The following ADAMTS12 variants were observed in gnomAD, a reference collection of about 807,000 sequenced individuals.
The protein encoded by ADAMTS12 is ADAM metallopeptidase with thrombospondin type 1 motif 12, also known as A disintegrin and metalloproteinase with thrombospondin motifs 12.
A neutral mutation model predicts 167.8 loss-of-function variants in ADAMTS12; 118 were observed. The observed-to-expected ratio is 0.70, with a 90% CI of 0.61 to 0.82. ADAMTS12 has a LOEUF of 0.82. Among genes scored for constraint, ADAMTS12 ranks in the 40% least tolerant of loss-of-function variants. ADAMTS12 has a pLI of 0.00. For synonymous variants in ADAMTS12, 704 were observed against 716.9 expected (o/e 0.98, Z 0.29); for missense variants, 1,916 against 1,998.8 (o/e 0.96, Z 0.79).
chr5:33,639,172 GTAAC>G (rs1158952193), intron 11 of ADAMTS12, among the ~76,000 whole-genome samples: 1 of 152,154 alleles, frequency 6.6e-6, no homozygotes, highest in African/African-American at 2.4e-5. Flanking sequence ...ATTTAGTAGA[GTAAC>G]TAACACAGAA....
At position 33,658,295 on chromosome 5, in the gene ADAMTS12, G is replaced by A. The variant is rs1234277747; in HGVS notation, c.1079C>T (p.Thr360Ile). 6.2e-7 allele frequency: 1 copy of A among 1,613,564 alleles called. No individual in the cohort carries two copies. Among genetic ancestry groups the A allele is most frequent in the East Asian group, 2.2e-5 (1 of 44,880 alleles). ...TCCTGAAAGGTGAGACAGGCCCAGGGTCTCGCAGGGGCGATTGAAACCAGC... is the reference window on the plus strand; with the variant it reads ...TCCTGAAAGGTGAGACAGGCCCAGGATCTCGCAGGGGCGATTGAAACCAGC... ...ICAGFNRPCE[T>I]LGLSHLSGMC... The change falls in exon 7 of 24, where the codon ACC (threonine) becomes ATC (isoleucine). Residue 360 changes from threonine (T) to isoleucine (I), a missense_variant. Coordinates refer to ENST00000504830, the MANE Select transcript of ADAMTS12 (RefSeq NM_030955.4).
intron 3 of ADAMTS12, among the ~76,000 whole-genome samples, chr5:33,714,397 C>A (rs1035302508): frequency 1.3e-5 from 2 of 152,082 alleles, no homozygotes; most frequent in African/African-American, 4.8e-5. Context: ...ATAAGCGTTT[C>A]TCAAAAAACT....
chr5:33,648,105 G>C (rs1443001910), intron 9 of ADAMTS12, among the ~76,000 whole-genome samples: 1 of 152,244 alleles, frequency 6.6e-6, no homozygotes, highest in East Asian at 1.9e-4. Flanking sequence ...TGCATTATAA[G>C]GGATGAGTTC....
chr5:33,662,062 A>C lies in ADAMTS12; in HGVS notation c.916-22T>G, dbSNP rs571019831. Reference sequence around the variant, plus strand: ...CTTGCTGGAGAAAGAAGAGGAAGAGATTAGCATGGGAGAGCTCACTGTGGT... The same window carrying C: ...CTTGCTGGAGAAAGAAGAGGAAGAGCTTAGCATGGGAGAGCTCACTGTGGT... On this transcript the variant is annotated intron_variant, in intron 5 of 23. Transcript: ENST00000504830. 129 of 1,603,926 alleles carry C rather than the reference A, an allele frequency of 8.0e-5. 2 individuals carry two copies. The South Asian group carries it at 1.3e-3, about 16-fold the overall frequency.
intron 2 of ADAMTS12, among the ~76,000 whole-genome samples, chr5:33,807,210 T>A (rs1401749531): frequency 6.6e-6 from 1 of 152,200 alleles, no homozygotes; most frequent in African/African-American, 2.4e-5. Context: ...TTTTTGTTTC[T>A]CTCTGCCTGA....
At chr5:33,632,955 A>G (rs115273561) in intron 12 of ADAMTS12, among the ~76,000 whole-genome samples, 1 of 152,072 alleles carries the variant, frequency 6.6e-6, no homozygotes, top group Non-Finnish European at 1.5e-5. Context: ...TCGCATTTAC[A>G]TAATGGACTG....
intron 9 of ADAMTS12, among the ~76,000 whole-genome samples, chr5:33,645,030 T>C (rs1442969588): frequency 6.6e-6 from 1 of 152,056 alleles, no homozygotes; most frequent in East Asian, 1.9e-4. Context: ...GTACCCGGCC[T>C]AGGGTGGCTT....
At chr5:33,724,289 G>A (rs908950884) in intron 3 of ADAMTS12, among the ~76,000 whole-genome samples, 1 of 152,184 alleles carries the variant, frequency 6.6e-6, no homozygotes, top group Non-Finnish European at 1.5e-5. Context: ...GGTTGATTGG[G>A]AGGTCAGGGA....
At chr5:33,868,056 C>T (rs1427816109) in intron 2 of ADAMTS12, among the ~76,000 whole-genome samples, 1 of 152,164 alleles carries the variant, frequency 6.6e-6, no homozygotes, top group Non-Finnish European at 1.5e-5. Context: ...TCCTCTTTGG[C>T]TTCCACCATG....
At chr5:33,738,097 G>A (rs13359534) in intron 3 of ADAMTS12, among the ~76,000 whole-genome samples, 4,865 of 152,202 alleles carry the variant, frequency 0.032, 266 homozygotes, top group African/African-American at 0.11. Context: ...GTCTCTTGAA[G>A]TTTTAAGGAA....
chr5:33,778,037 T>G (rs538561763), intron 2 of ADAMTS12, among the ~76,000 whole-genome samples: 1 of 152,024 alleles, frequency 6.6e-6, no homozygotes, highest in East Asian at 1.9e-4. Flanking sequence ...CATAAATAAA[T>G]GGAAAGATAT....
intron 2 of ADAMTS12, among the ~76,000 whole-genome samples, chr5:33,790,338 A>G (rs1746480167): frequency 6.6e-6 from 1 of 152,112 alleles, no homozygotes; most frequent in African/African-American, 2.4e-5. Flanking sequence ...ATGGAACACA[A>G]GGTCAAGAGA....
At chr5:33,871,029 T>C (rs1191834883) in intron 2 of ADAMTS12, among the ~76,000 whole-genome samples, 2 of 152,040 alleles carry the variant, frequency 1.3e-5, no homozygotes, top group East Asian at 1.9e-4. Context: ...AAGATGAAAG[T>C]AAAATTTCCC....
intron 19 of ADAMTS12, among the ~76,000 whole-genome samples, chr5:33,571,162 C>G (rs914210920): frequency 1.3e-5 from 2 of 152,132 alleles, no homozygotes; most frequent in African/African-American, 4.8e-5. Context: ...CTTTAACACC[C>G]CACTGTCAAC....
At chr5:33,531,158 A>T (rs1021737290) in intron 23 of ADAMTS12, among the ~76,000 whole-genome samples, 1 of 152,210 alleles carries the variant, frequency 6.6e-6, no homozygotes, top group Non-Finnish European at 1.5e-5. Context: ...TCTGTAAGCC[A>T]AGGAATGCCA....
chr5:33,753,248 T>C (rs756469950), intron 2 of ADAMTS12, among the ~76,000 whole-genome samples: 90 of 152,262 alleles, frequency 5.9e-4, no homozygotes, highest in Non-Finnish European at 1.2e-3. Flanking sequence ...CAGTTACATC[T>C]GACATAATTT....
intron 7 of ADAMTS12, among the ~76,000 whole-genome samples, chr5:33,655,635 T>TTTAATTTAAA (rs1189590137): frequency 5.3e-5 from 8 of 151,324 alleles, no homozygotes; most frequent in African/African-American, 1.9e-4. Context: ...ATTTATTTAA[T>TTTAATTTAAA]TTAATTTAAT....
intron 17 of ADAMTS12, among the ~76,000 whole-genome samples, chr5:33,593,695 G>A (rs912369020): frequency 1.8e-4 from 27 of 152,122 alleles, no homozygotes; most frequent in South Asian, 4.1e-4. Context: ...TGGGGGGCTA[G>A]GGGTGGGAGA....
intron 12 of ADAMTS12, among the ~76,000 whole-genome samples, chr5:33,631,327 A>G (rs370578133): frequency 5.3e-5 from 8 of 152,146 alleles, no homozygotes; most frequent in Admixed American, 4.6e-4. Context: ...CTTGCAGCAA[A>G]GTAAGTAGAC....
Sources: gnomAD v4.1 joint callset for allele counts (sites outside exome capture counted in the v4.1 genomes callset) on GRCh38, gnomAD v4.1.1 for gene constraint, MANE v1.5 for transcripts, NCBI Gene and HGNC (gene_info 2026-07-23, HGNC 2026-07-21) for gene names.